Variants in TBX19 observed in about 807,000 individuals in gnomAD.
The protein encoded by TBX19 is T-box transcription factor TBX19.
Under a neutral mutation model 40.9 loss-of-function variants are expected in TBX19, and 33 were observed. The ratio of observed to expected loss-of-function variants is 0.81; its 90% CI spans 0.61 to 1.08. TBX19 has a LOEUF of 1.08. TBX19 is among the 50% of genes least tolerant of loss of function. TBX19 has a pLI of 0.00. For synonymous variants in TBX19, 220 were observed against 225.0 expected, an observed-to-expected ratio of 0.98 and a Z score of 0.20; for missense variants, 494 against 574.0, an observed-to-expected ratio of 0.86 and a Z score of 1.42.
chr1:168,293,048 G>C (rs1648985898), intron 2 of TBX19, 96 bp from the exon 3 acceptor site: 1 of 1,592,144 alleles, frequency 6.3e-7, no homozygotes, highest in Non-Finnish European at 8.5e-7. Flanking sequence ...CCGGGGTGGT[G>C]CTAAGCTTGG....
rs1649461087 is a variant in TBX19, at chr1:168,308,726, T to C, written c.917-16T>C. On this transcript the variant is annotated splice_polypyrimidine_tract_variant and intron_variant, in intron 6 of 7. Transcript: ENST00000367821. ...TCTACATTTGCTATCAATTCAACTG[T>C]TGTTATTTCCCCAAGTGAATTTGAT... The C allele has an allele frequency of 1.9e-6, 3 of 1,614,020 alleles. No individual in the cohort carries two copies. The South Asian group carries it at 3.3e-5, about 18-fold the overall frequency.
intron 1 of TBX19, among the ~76,000 whole-genome samples, chr1:168,286,769 GA>G (rs1648815178): frequency 6.6e-6 from 1 of 152,214 alleles, no homozygotes; most frequent in African/African-American, 2.4e-5. Flanking sequence ...GGATTATTGA[GA>G]AACTGTATAT....
At chr1:168,291,511 T>C (rs1482130206) in intron 2 of TBX19, 87 bp downstream of exon 2, 10 of 1,586,642 alleles carry the variant, frequency 6.3e-6, no homozygotes, top group Non-Finnish European at 7.8e-6. Context: ...TTTAGGCAAT[T>C]AGAGGTGTCC....
chr1:168,294,543 C>G (rs1423056547), intron 3 of TBX19, among the ~76,000 whole-genome samples: 1 of 148,710 alleles, frequency 6.7e-6, no homozygotes, highest in Admixed American at 6.7e-5. Flanking sequence ...ACTCTGTCAC[C>G]CAGGCTGGAG....
In TBX19 at chr1:168,313,047, A is replaced by C; in HGVS notation, c.*45A>C. The C allele has an allele frequency of 6.2e-7, 1 of 1,610,446 alleles. No individual in the cohort carries two copies. The highest frequency in any genetic ancestry group is 1.6e-4 in the Middle Eastern group (1 of 6,062). On this transcript the variant is annotated 3_prime_UTR_variant, in exon 8 of 8. Coordinates refer to ENST00000367821, the MANE Select transcript of TBX19 (RefSeq NM_005149.3). ...TTTGCACAGCGATCCTTCCATGTGT[A>C]GAGTGCTTAGAAACCCCATCAACTG... is the stretch of plus-strand genomic sequence containing the variant.
chr1:168,297,336 C>T (rs1178261099), intron 3 of TBX19, among the ~76,000 whole-genome samples: 1 of 152,158 alleles, frequency 6.6e-6, no homozygotes, highest in Non-Finnish European at 1.5e-5. Context: ...AAAAGTAAAT[C>T]ACATGTAGTA....
chr1:168,284,375 G>T (rs1317357315), intron 1 of TBX19, among the ~76,000 whole-genome samples: 1 of 152,138 alleles, frequency 6.6e-6, no homozygotes, highest in Non-Finnish European at 1.5e-5. Flanking sequence ...GACTTCAGAG[G>T]TTAATAAATT....
At chr1:168,307,397 G>C (rs138387198) in intron 6 of TBX19, among the ~76,000 whole-genome samples, 1 of 152,224 alleles carries the variant, frequency 6.6e-6, no homozygotes, top group South Asian at 2.1e-4. Flanking sequence ...GGGGGAAAGA[G>C]GGGGAGAGGG....
At chr1:168,298,504 C>T (rs1427176202) in intron 4 of TBX19, among the ~76,000 whole-genome samples, 3 of 152,184 alleles carry the variant, frequency 2.0e-5, no homozygotes, top group African/African-American at 7.2e-5. Context: ...GACAGGTTCA[C>T]ATTTCCTCTG....
At chr1:168,294,123 T>C (rs975104105) in intron 3 of TBX19, among the ~76,000 whole-genome samples, 14 of 152,300 alleles carry the variant, frequency 9.2e-5, no homozygotes, top group African/African-American at 3.4e-4. Flanking sequence ...TGAATGTAGA[T>C]TTCCTCACAT....
chr1:168,297,657 A>T (rs371332221), intron 3 of TBX19, 67 bp from the exon 4 acceptor site: 560 of 1,422,668 alleles, frequency 3.9e-4, no homozygotes, highest in Non-Finnish European at 4.6e-4. Flanking sequence ...TTTACAGAAG[A>T]CAAAGGGTTC....
intron 4 of TBX19, among the ~76,000 whole-genome samples, chr1:168,298,058 T>C (rs1649160495): frequency 1.3e-5 from 2 of 151,744 alleles, no homozygotes; most frequent in Non-Finnish European, 2.9e-5. Flanking sequence ...TAGCCGGGTG[T>C]GGTGGCGGGC....
At chr1:168,287,022 C>T (rs890090825) in intron 1 of TBX19, among the ~76,000 whole-genome samples, 1 of 152,208 alleles carries the variant, frequency 6.6e-6, no homozygotes, top group Admixed American at 6.5e-5. Flanking sequence ...TTCTTTGAAA[C>T]ATCAGGTACA....
chr1:168,300,001 C>T (rs543027651), intron 4 of TBX19, among the ~76,000 whole-genome samples: 64 of 152,190 alleles, frequency 4.2e-4, no homozygotes, highest in African/African-American at 1.5e-3. Flanking sequence ...TTTACCTCCT[C>T]GAGATCCACT....
rs1179504032 is a variant in TBX19 at position 168,281,216 on chromosome 1, G to C, written c.126G>C (p.Gln42His). 5.0e-6 allele frequency: 8 copies of C among 1,614,072 alleles called. No individual in the cohort carries two copies. In the African/African-American group the frequency reaches 5.3e-5, roughly 11 times the overall value. Residue 42 changes from glutamine to histidine, a missense_variant, in exon 1 of 8, where the codon CAG (glutamine) becomes CAC (histidine). By Grantham distance (24) the Gln-to-His change is conservative (BLOSUM62 0). Transcript: ENST00000367821. ...EKGDPTEKQL[Q>H]IILEDAPLWQ... The stretch of plus-strand genomic sequence containing the variant: ...GCGACCCTACGGAGAAGCAACTTCA[G>C]ATCATCCTGGAGGATGCACCTCTCT...
At position 168,295,821 on chromosome 1, in the gene TBX19, G is replaced by A. The variant is rs531531398; in HGVS notation, c.604-1903G>A. On this transcript the variant is annotated intron_variant, in intron 3 of 7. Coordinates refer to ENST00000367821, the MANE Select transcript of TBX19 (RefSeq NM_005149.3). ...TAACCTCCTCTGGTCTCCCGGCAAG[G>A]CCCCTGCCCACTGGTGTGCTGTTGG... Among the ~76,000 whole-genome samples, 241 of 152,274 alleles carry A rather than the reference G, an allele frequency of 1.6e-3. 1 individual carries two copies. Among genetic ancestry groups the A allele is most frequent in the South Asian group, 2.3e-3 (11 of 4,822 alleles).
chr1:168,311,693 G>C (rs1649528765), intron 7 of TBX19, among the ~76,000 whole-genome samples: 1 of 152,206 alleles, frequency 6.6e-6, no homozygotes, highest in African/African-American at 2.4e-5. Flanking sequence ...ATATTATCAA[G>C]CAATACAGTG....
At chr1:168,308,616 A>G in intron 6 of TBX19, 126 bp from the exon 7 acceptor site, 1 of 1,192,856 alleles carries the variant, frequency 8.4e-7, no homozygotes, top group Admixed American at 1.8e-5. Context: ...CCTGAGAAAG[A>G]ACTAACAAAC....
chr1:168,298,144 C>G (rs759050048), intron 4 of TBX19, among the ~76,000 whole-genome samples: 1 of 152,070 alleles, frequency 6.6e-6, no homozygotes, highest in Non-Finnish European at 1.5e-5. Flanking sequence ...TGCAGTGAGC[C>G]GAGATGGCGC....
Sources: gnomAD v4.1 joint callset for allele counts (sites outside exome capture counted in the v4.1 genomes callset) on GRCh38, gnomAD v4.1.1 for gene constraint, MANE v1.5 for transcripts, NCBI Gene and HGNC (gene_info 2026-07-23, HGNC 2026-07-21) for gene names.